The following PBX1 variants were observed in gnomAD, a reference collection of about 807,000 sequenced individuals.
The protein encoded by PBX1 is pre-B-cell leukemia transcription factor 1.
A neutral mutation model predicts 53.4 loss-of-function variants in PBX1; 6 were observed. The ratio of observed to expected loss-of-function variants is 0.11; its 90% CI spans 0.06 to 0.22. The LOEUF (loss-of-function observed/expected upper bound fraction) is 0.22. PBX1 is among the 10% of genes least tolerant of loss of function. The pLI is 1.00. For synonymous variants in PBX1, 204 were observed against 212.3 expected, an observed-to-expected ratio of 0.96 and a Z score of 0.34; for missense variants, 251 against 551.4, an observed-to-expected ratio of 0.46 and a Z score of 5.46.
chr1:164,720,946 A>G (rs1489331), intron 2 of PBX1, among the ~76,000 whole-genome samples: 55,847 of 152,004 alleles, frequency 0.37, 10,829 homozygotes, highest in East Asian at 0.57. Flanking sequence ...CTTCATTGCA[A>G]CAAATTTTAG....
intron 2 of PBX1, among the ~76,000 whole-genome samples, chr1:164,709,356 G>C (rs537560969): frequency 1.3e-5 from 2 of 152,086 alleles, no homozygotes; most frequent in Non-Finnish European, 2.9e-5. Flanking sequence ...ACTCGAAATT[G>C]TGCAAGGACA....
intron 2 of PBX1, among the ~76,000 whole-genome samples, chr1:164,767,371 C>T (rs1031060045): frequency 2.6e-5 from 4 of 152,156 alleles, no homozygotes; most frequent in African/African-American, 9.7e-5. Context: ...CTCACAAAGC[C>T]AGTGCTTTGG....
chr1:164,741,671 T>C (rs1421423298), intron 2 of PBX1, among the ~76,000 whole-genome samples: 2 of 151,958 alleles, frequency 1.3e-5, no homozygotes, highest in African/African-American at 4.8e-5. Flanking sequence ...ATCTTACTTA[T>C]GATCTCTAGA....
At chr1:164,698,560 A>C (rs1404295849) in intron 2 of PBX1, among the ~76,000 whole-genome samples, 2 of 152,086 alleles carry the variant, frequency 1.3e-5, no homozygotes, top group East Asian at 3.9e-4. Context: ...CAATGTTGCC[A>C]GCCTCCCGCA....
At chr1:164,876,342 A>G (rs1378433260) in intron 2 of PBX1, among the ~76,000 whole-genome samples, 1 of 151,698 alleles carries the variant, frequency 6.6e-6, no homozygotes, top group Non-Finnish European at 1.5e-5. Context: ...CTCCTCTGCT[A>G]GGAGGCCGGG....
chr1:164,730,913 C>T (rs1037196077), intron 2 of PBX1, among the ~76,000 whole-genome samples: 1 of 152,190 alleles, frequency 6.6e-6, no homozygotes, highest in Non-Finnish European at 1.5e-5. Context: ...ATTTTTATCA[C>T]TATATTTTAC....
Position 164,693,527 on chromosome 1 carries a change from G to C in PBX1, c.266-98967G>C, listed in dbSNP as rs1392495932. Among the ~76,000 whole-genome samples the C allele has an allele frequency of 2.6e-5, 4 of 152,208 alleles. No individual in the cohort carries two copies. The East Asian group carries it at 7.7e-4, about 29-fold the overall frequency. On this transcript the variant is annotated intron_variant, in intron 2 of 8. Transcript: ENST00000420696. ...TTTATACTGCTTCAGTTGCTTCACAGCTCCCCCTTCTTTCCTACCACACCT... is the reference window on the plus strand; with the variant it reads ...TTTATACTGCTTCAGTTGCTTCACACCTCCCCCTTCTTTCCTACCACACCT...
intron 2 of PBX1, among the ~76,000 whole-genome samples, chr1:164,716,173 G>A (rs1664069695): frequency 6.6e-6 from 1 of 152,202 alleles, no homozygotes; most frequent in African/African-American, 2.4e-5. Flanking sequence ...TGACTGCCAA[G>A]TAGTGTTTTT....
At chr1:164,680,243 T>G (rs1661683165) in intron 2 of PBX1, 1 of 152,234 alleles carries the variant, frequency 6.6e-6, no homozygotes, top group African/African-American at 2.4e-5. Flanking sequence ...TTCTAGAGGT[T>G]TATAAAGCAA....
intron 2 of PBX1, among the ~76,000 whole-genome samples, chr1:164,708,470 G>A (rs1663573783): frequency 6.6e-6 from 1 of 152,146 alleles, no homozygotes; most frequent in Admixed American, 6.5e-5. Flanking sequence ...ATAATGCTGG[G>A]GTTTGGGCTT....
chr1:164,588,969 G>C (rs1044920147), intron 2 of PBX1, among the ~76,000 whole-genome samples: 1 of 152,084 alleles, frequency 6.6e-6, no homozygotes, highest in Non-Finnish European at 1.5e-5. Context: ...AACAGCAGCG[G>C]ATTTCTCCTT....
intron 2 of PBX1, among the ~76,000 whole-genome samples, chr1:164,755,596 G>A (rs767329201): frequency 2.0e-5 from 3 of 151,938 alleles, no homozygotes; most frequent in African/African-American, 7.3e-5. Context: ...TTCAAAGCAC[G>A]ATAATAAGTA....
chr1:164,704,968 C>T (rs1571254796), intron 2 of PBX1, among the ~76,000 whole-genome samples: 1 of 152,308 alleles, frequency 6.6e-6, no homozygotes, highest in East Asian at 1.9e-4. Context: ...CCCAACTTCT[C>T]ATTTTTCATT....
rs1186491042 is a variant in PBX1, at chr1:164,850,431, A to G, written c.*3755A>G. 1 of 202,960 alleles carries G rather than the reference A, an allele frequency of 4.9e-6. No homozygotes were observed. The highest frequency in any genetic ancestry group is 2.3e-5 in the African/African-American group (1 of 43,514). The allele number at this position is 202,960 out of a possible 1,614,324, so 12.6% of individuals were successfully genotyped here. A position where few individuals can be genotyped will look rare whatever the true frequency, so the allele number is the denominator to read the frequency against. On this transcript the variant is annotated 3_prime_UTR_variant, in exon 9 of 9. Transcript: ENST00000420696. ...TATTAACTTTGAGACCCAGAAATAA[A>G]TTCTTTTCTTTTCTTGATTCTTGCT...
chr1:164,624,682 A>C (rs953537965), intron 2 of PBX1, among the ~76,000 whole-genome samples: 1 of 152,258 alleles, frequency 6.6e-6, no homozygotes, highest in African/African-American at 2.4e-5. Context: ...GTGGTTAATG[A>C]AATGCACATT....
chr1:164,866,082 C>T (rs1320149704), intron 2 of PBX1, among the ~76,000 whole-genome samples: 1 of 152,214 alleles, frequency 6.6e-6, no homozygotes, highest in Admixed American at 6.5e-5. Flanking sequence ...CCAGTTCGTA[C>T]ACCAGCCACC....
At chr1:164,739,758 T>C (rs879342878) in intron 2 of PBX1, among the ~76,000 whole-genome samples, 3,242 of 69,004 alleles carry the variant, frequency 0.047, 43 homozygotes, top group South Asian at 0.098. Context: ...TGTGCATGTG[T>C]GTGTGTGTGT....
intron 2 of PBX1, among the ~76,000 whole-genome samples, chr1:164,709,394 T>C (rs1663623749): frequency 6.6e-6 from 1 of 151,858 alleles, no homozygotes; most frequent in Non-Finnish European, 1.5e-5. Context: ...ACAGAAAGCA[T>C]AAGAAAACAA....
intron 2 of PBX1, among the ~76,000 whole-genome samples, chr1:164,701,888 G>A (rs1482416496): frequency 1.3e-5 from 2 of 152,160 alleles, no homozygotes; most frequent in Admixed American, 6.5e-5. Flanking sequence ...TGTGACATAT[G>A]ACTGAGACCC....
Sources: gnomAD v4.1 joint callset for allele counts (sites outside exome capture counted in the v4.1 genomes callset) on GRCh38, gnomAD v4.1.1 for gene constraint, MANE v1.5 for transcripts, NCBI Gene and HGNC (gene_info 2026-07-23, HGNC 2026-07-21) for gene names.